The following MYOM3 variants were observed in gnomAD, a reference collection of about 807,000 sequenced individuals.
MYOM3 encodes the protein myomesin-3.
A neutral mutation model predicts 191.7 loss-of-function variants in MYOM3; 155 were observed. The observed-to-expected ratio is 0.81, with a 90% confidence interval of 0.71 to 0.92. The LOEUF is 0.92. Among genes scored for constraint, MYOM3 ranks in the 40% least tolerant of loss-of-function variants. The pLI is 0.00. For missense variants in MYOM3, 1,889 were observed against 1,890.6 expected (o/e 1.00, Z 0.02); for synonymous variants, 757 against 762.9 (o/e 0.99, Z 0.13).
Position 24,057,101 on chromosome 1 carries a change from TTAGA to T in MYOM3, c.*259_*262del, listed in dbSNP as rs1643310807. 7.7e-6 allele frequency: 4 copies of T among 521,998 alleles called. No individual in the cohort carries two copies. The highest frequency in any genetic ancestry group is 3.1e-5 in the East Asian group (1 of 32,058). The allele number at this position is 521,998 out of a possible 1,614,324, so 32.3% of individuals were successfully genotyped here. Reference sequence around the variant, plus strand: ...CTCTACCTATCAGATGCCAGTACTGTTAGATAGCCCCAGTGCATCCGGGTCTCCT... The same window carrying T: ...CTCTACCTATCAGATGCCAGTACTGTTAGCCCCAGTGCATCCGGGTCTCCT... On this transcript the variant is annotated 3_prime_UTR_variant, in exon 37 of 37. Transcript: ENST00000374434.
intron 7 of MYOM3, among the ~76,000 whole-genome samples, chr1:24,096,840 A>G (rs1309826873): frequency 6.6e-6 from 1 of 152,224 alleles, no homozygotes; most frequent in Non-Finnish European, 1.5e-5. Context: ...CCCCTTGGGC[A>G]GTGCCCTGCC....
At chr1:24,097,401 C>T (rs1643884216) in intron 7 of MYOM3, among the ~76,000 whole-genome samples, 1 of 152,230 alleles carries the variant, frequency 6.6e-6, no homozygotes, top group Non-Finnish European at 1.5e-5. Flanking sequence ...GGCTAAAATT[C>T]AGTCTGTTTT....
chr1:24,109,999 G>A (rs534958088), intron 1 of MYOM3, among the ~76,000 whole-genome samples: 7 of 152,360 alleles, frequency 4.6e-5, no homozygotes, highest in South Asian at 4.1e-4. Context: ...CTCAGGAAGC[G>A]GATCCATGGA....
chr1:24,070,267 G>A (rs1570858946), intron 25 of MYOM3, among the ~76,000 whole-genome samples: 1 of 152,122 alleles, frequency 6.6e-6, no homozygotes, highest in Non-Finnish European at 1.5e-5. Context: ...ACAAAAGCAG[G>A]AAAATGAATG....
intron 28 of MYOM3, 107 bp from the exon 29 acceptor site, chr1:24,066,108 A>C: frequency 1.3e-6 from 1 of 787,678 alleles, no homozygotes; most frequent in Non-Finnish European, 2.3e-6. Context: ...TTCACATACC[A>C]TGTGTCTCCT....
intron 10 of MYOM3, 60 bp downstream of exon 10, chr1:24,092,887 A>G (rs551559622): frequency 7.1e-6 from 10 of 1,409,458 alleles, no homozygotes; most frequent in Middle Eastern, 4.6e-4. Flanking sequence ...ACAGCAAACA[A>G]GGGGCAGAGC....
rs371989797 is a variant in MYOM3 at position 24,063,152 on chromosome 1, C to T, written c.3744G>A (p.Glu1248=). The T allele has an allele frequency of 2.5e-6, 4 of 1,612,906 alleles. No individual in the cohort carries two copies. The highest frequency in any genetic ancestry group is 3.4e-6 in the Non-Finnish European group (4 of 1,179,018). ...IFSKVKYYNV[E]YMKTTWFHKD... ...TGTGGAACCAGGTGGTTTTCATGTACTCCACGTTGTAGTACTTGACCTTGC... is the reference window on the plus strand; with the variant it reads ...TGTGGAACCAGGTGGTTTTCATGTATTCCACGTTGTAGTACTTGACCTTGC... Residue 1248 remains glutamate (E), a synonymous_variant, in exon 32 of 37, where the codon GAG becomes GAA. Coordinates refer to ENST00000374434, the MANE Select transcript of MYOM3 (RefSeq NM_152372.4). The surrounding 1 kb of genome is among the most constrained non-coding windows in gnomAD (Gnocchi z 4.5).
At chr1:24,093,473 T>C (rs1377308823) in intron 9 of MYOM3, among the ~76,000 whole-genome samples, 1 of 151,286 alleles carries the variant, frequency 6.6e-6, no homozygotes, top group African/African-American at 2.4e-5. Context: ...GAGGGCCCGT[T>C]TGGGGGAGGT....
chr1:24,108,357 C>T, intron 2 of MYOM3, 119 bp downstream of exon 2: 3 of 1,138,770 alleles, frequency 2.6e-6, no homozygotes, highest in Non-Finnish European at 3.6e-6. Context: ...GTTCAGAAAG[C>T]AGGGATGTCC....
Position 24,103,109 on chromosome 1 carries a change from C to T in MYOM3, c.560+2811G>A, listed in dbSNP as rs189977317. ...GCTCAGCTCCCTGTTGTGGCAACCTCGTTGGCAGGGGTAGAAACAACTCCC... is the reference window on the plus strand; with the variant it reads ...GCTCAGCTCCCTGTTGTGGCAACCTTGTTGGCAGGGGTAGAAACAACTCCC... On this transcript the variant is annotated intron_variant, in intron 5 of 36. Coordinates refer to ENST00000374434, the MANE Select transcript of MYOM3 (RefSeq NM_152372.4). 2.3e-4 allele frequency among the ~76,000 whole-genome samples: 35 copies of T among 152,366 alleles called. No individual in the cohort carries two copies. The East Asian group carries it at 6.4e-3, about 28-fold the overall frequency.
chr1:24,090,031 C>A (rs766171292), intron 13 of MYOM3, 34 bp downstream of exon 13: 1 of 1,604,228 alleles, frequency 6.2e-7, no homozygotes, highest in Admixed American at 1.7e-5. Context: ...GAGAACTATA[C>A]AGGAGGCCCA....
At chr1:24,091,126 C>G in intron 11 of MYOM3, 130 bp from the exon 12 acceptor site, 1 of 1,092,692 alleles carries the variant, frequency 9.2e-7, no homozygotes, top group Non-Finnish European at 1.3e-6. Context: ...AAGTTCTTCT[C>G]TCCAATGGAA....
intron 29 of MYOM3, 54 bp from the exon 30 acceptor site, chr1:24,064,213 T>C: frequency 6.9e-7 from 1 of 1,453,292 alleles, no homozygotes; most frequent in Non-Finnish European, 9.6e-7. Flanking sequence ...GAAGGAGAGA[T>C]GGATACCAAA....
rs146133683 is a variant in MYOM3 at position 24,104,802 on chromosome 1, C to T, written c.560+1118G>A. Among the ~76,000 whole-genome samples, 380 of 152,320 alleles carry T rather than the reference C, an allele frequency of 2.5e-3. 4 individuals are homozygous for T. The highest frequency in any genetic ancestry group is 8.8e-3 in the African/African-American group (367 of 41,568). ...GGTTCAAGTGGTCCTCCCTCCTTGG[C>T]TTCCCAAAGTGCTGGAGGTGGGCCT... On this transcript the variant is annotated intron_variant, in intron 5 of 36. Transcript: ENST00000374434.
At chr1:24,073,006 C>T (rs185823229) in intron 23 of MYOM3, among the ~76,000 whole-genome samples, 81 of 152,272 alleles carry the variant, frequency 5.3e-4, no homozygotes, top group Admixed American at 1.8e-3. Flanking sequence ...CACTATGAGT[C>T]TAGATTCATG....
chr1:24,111,324 G>A lies in MYOM3; in HGVS notation c.-19+707C>T, dbSNP rs995443768. ...CGAGGAGGCCTCTCCCCTTCTTCAG[G>A]AGGGAAAGAGGAATGCACAGCAGTT... On this transcript the variant is annotated intron_variant, in intron 1 of 36. Coordinates refer to ENST00000374434, the MANE Select transcript of MYOM3 (RefSeq NM_152372.4). The surrounding 1 kb of genome is among the most constrained non-coding windows in gnomAD (Gnocchi z 4.7). Among the ~76,000 whole-genome samples the A allele has an allele frequency of 6.6e-6, 1 of 152,190 alleles. No individual in the cohort carries two copies. The highest frequency in any genetic ancestry group is 1.5e-5 in the Non-Finnish European group (1 of 68,030).
rs1347115406 is a variant in MYOM3 at position 24,056,778 on chromosome 1, A to C, written c.*586T>G. 2 of 152,420 alleles carry C rather than the reference A, an allele frequency of 1.3e-5. No individual in the cohort carries two copies. The highest frequency in any genetic ancestry group is 4.8e-5 in the African/African-American group (2 of 41,390). The allele number at this position is 152,420 out of a possible 1,614,324, so 9.4% of individuals were successfully genotyped here. ...TTGGACCTGCTTTATAATCTTTATC[A>C]TGTCCTGCCTTGTCCTGGAGTTGTT... On this transcript the variant is annotated 3_prime_UTR_variant, in exon 37 of 37. Coordinates refer to ENST00000374434, the MANE Select transcript of MYOM3 (RefSeq NM_152372.4).
At chr1:24,089,756 C>T in intron 13 of MYOM3, 91 bp from the exon 14 acceptor site, 1 of 1,399,496 alleles carries the variant, frequency 7.1e-7, no homozygotes, top group East Asian at 2.5e-5. Flanking sequence ...GGAACTACAC[C>T]CCTACCCATC....
chr1:24,108,408 G>T (rs1003617016), intron 2 of MYOM3, 68 bp downstream of exon 2: 3 of 1,424,458 alleles, frequency 2.1e-6, no homozygotes, highest in Non-Finnish European at 2.8e-6. Context: ...GCTAGGCTGG[G>T]CCTCCCTCCT....
Sources: allele counts gnomAD v4.1 joint callset (sites outside exome capture counted in the v4.1 genomes callset), GRCh38; gene constraint gnomAD v4.1.1; non-coding constraint Gnocchi (gnomAD v3.1); transcripts MANE v1.5; gene names NCBI Gene and HGNC (gene_info 2026-07-23, HGNC 2026-07-21).